STX18: variants seen among roughly 807,000 people sequenced by gnomAD.
STX18 encodes the protein syntaxin 18.
STX18 carries 40 observed loss-of-function variants against 50.1 expected under a neutral mutation model. That is an observed-to-expected ratio of 0.80 (90% CI 0.62 to 1.04). The LOEUF (loss-of-function observed/expected upper bound fraction) is 1.04, where lower values mean the gene tolerates loss of function less well. STX18 is among the 50% of genes least tolerant of loss of function. The pLI, the probability that STX18 is intolerant of heterozygous loss-of-function variation, is 0.00. For synonymous variants in STX18, 158 were observed against 151.8 expected (o/e 1.04, Z -0.30); for missense variants, 410 against 415.8 (o/e 0.99, Z 0.12).
intron 1 of STX18, among the ~76,000 whole-genome samples, chr4:4,498,341 A>G (rs1454992601): frequency 6.6e-6 from 1 of 152,184 alleles, no homozygotes; most frequent in African/African-American, 2.4e-5. Context: ...TGATGATAAT[A>G]TACCCCCCAA....
rs192999436 is a variant in STX18, at chr4:4,499,351, T to C, written c.169-27645A>G. 3.8e-5 allele frequency: 9 copies of C among 237,344 alleles called. No individual in the cohort carries two copies. In the East Asian group the frequency reaches 1.4e-3, roughly 38 times the overall value. The allele number at this position is 237,344 out of a possible 1,614,324, so 14.7% of individuals were successfully genotyped here. ...GTATGAAATTACAGTAGTAAGAAGT[T>C]ATTAATCTGAAATTATAAAGTGGAA... On this transcript the variant is annotated intron_variant, in intron 1 of 10. Coordinates refer to ENST00000306200, the MANE Select transcript of STX18 (RefSeq NM_016930.4).
At position 4,419,832 on chromosome 4, in the gene STX18, T is replaced by C. The variant is rs1249236073; in HGVS notation, c.*202A>G. ...CCTCCCATTGGTGTGCACTGTTTCCTTTTTCAGCTGCTAAATGGCTGAACA... is the reference window on the plus strand; with the variant it reads ...CCTCCCATTGGTGTGCACTGTTTCCCTTTTCAGCTGCTAAATGGCTGAACA... On this transcript the variant is annotated 3_prime_UTR_variant, in exon 11 of 11. Transcript: ENST00000306200. 10 of 521,008 alleles carry C rather than the reference T, an allele frequency of 1.9e-5. No homozygotes were observed. The highest frequency in any genetic ancestry group is 1.9e-4 in the African/African-American group (7 of 36,940). 32.3% of individuals were successfully genotyped at this position (521,008 alleles called of 1,614,324 possible). A position where few individuals can be genotyped will look rare whatever the true frequency, so the allele number is the denominator to read the frequency against.
At chr4:4,500,933 AGGCTGAAG>A (rs1360136464) in intron 1 of STX18, among the ~76,000 whole-genome samples, 7 of 152,286 alleles carry the variant, frequency 4.6e-5, no homozygotes, top group Middle Eastern at 3.4e-3. Flanking sequence ...GCTACTCGGG[AGGCTGAAG>A]CAGGAGAATT....
intron 6 of STX18, among the ~76,000 whole-genome samples, chr4:4,436,763 C>A (rs1195876710): frequency 6.6e-6 from 1 of 152,114 alleles, no homozygotes; most frequent in Non-Finnish European, 1.5e-5. Context: ...AAGGCCCTAC[C>A]CACCCTTCCA....
intron 7 of STX18, among the ~76,000 whole-genome samples, chr4:4,432,897 T>A (rs1276579652): frequency 1.3e-5 from 2 of 152,232 alleles, no homozygotes; most frequent in African/African-American, 4.8e-5. Flanking sequence ...GACCTGGCCA[T>A]CCCTGGAGGT....
At chr4:4,445,737 T>C (rs1035291396) in intron 5 of STX18, among the ~76,000 whole-genome samples, 7 of 152,098 alleles carry the variant, frequency 4.6e-5, no homozygotes, top group African/African-American at 1.7e-4. Context: ...TGTGGATAGA[T>C]GTTAAGATGT....
chr4:4,491,680 G>A (rs1247838354), intron 1 of STX18, among the ~76,000 whole-genome samples: 37 of 151,984 alleles, frequency 2.4e-4, no homozygotes, highest in Admixed American at 2.4e-3. Flanking sequence ...ACAGTCTAAC[G>A]GTTGTCTTGT....
intron 1 of STX18, among the ~76,000 whole-genome samples, chr4:4,535,098 G>T (rs987180416): frequency 3.0e-4 from 45 of 152,192 alleles, no homozygotes; most frequent in Admixed American, 3.3e-4. Context: ...CCTACGTCTG[G>T]TGGAATGGTT....
intron 1 of STX18, among the ~76,000 whole-genome samples, chr4:4,500,995 C>T (rs1729428658): frequency 6.6e-6 from 1 of 152,094 alleles, no homozygotes; most frequent in Admixed American, 6.5e-5. Flanking sequence ...CGAGATGGCG[C>T]CATTGCACTC....
intron 7 of STX18, among the ~76,000 whole-genome samples, chr4:4,429,858 T>C (rs959661858): frequency 2.0e-5 from 3 of 152,208 alleles, no homozygotes; most frequent in Non-Finnish European, 1.5e-5. Flanking sequence ...TCTACAGGCC[T>C]ACCTCAGGGG....
At chr4:4,514,064 T>A (rs1730128478) in intron 1 of STX18, among the ~76,000 whole-genome samples, 2 of 152,128 alleles carry the variant, frequency 1.3e-5, no homozygotes, top group South Asian at 2.1e-4. Flanking sequence ...ATCAACCACA[T>A]ACTTCAAAAT....
chr4:4,434,296 C>A (rs951394445), intron 7 of STX18, among the ~76,000 whole-genome samples: 3 of 152,162 alleles, frequency 2.0e-5, no homozygotes, highest in Non-Finnish European at 2.9e-5. Flanking sequence ...CCTTTTGAAA[C>A]CCACCCATAG....
chr4:4,518,172 T>C (rs1263240296), intron 1 of STX18, among the ~76,000 whole-genome samples: 1 of 152,260 alleles, frequency 6.6e-6, no homozygotes, highest in Non-Finnish European at 1.5e-5. Context: ...TAAATCTTTA[T>C]GCAAAATGAA....
intron 1 of STX18, among the ~76,000 whole-genome samples, chr4:4,525,086 CATTTATGAAAAGAATAAAGTT>C (rs1553851452): frequency 6.6e-6 from 1 of 152,012 alleles, no homozygotes; most frequent in Non-Finnish European, 1.5e-5. Flanking sequence ...TCCTGTGGTA[CATTTATGAAAAGAATAAAGTT>C]TTATAAAGAG....
At chr4:4,491,204 G>A (rs1728926734) in intron 1 of STX18, among the ~76,000 whole-genome samples, 1 of 151,676 alleles carries the variant, frequency 6.6e-6, no homozygotes. Flanking sequence ...TCCCGGATCA[G>A]GCATGTTTTA....
intron 1 of STX18, among the ~76,000 whole-genome samples, chr4:4,482,063 C>A (rs1209816739): frequency 6.6e-6 from 1 of 152,170 alleles, no homozygotes; most frequent in African/African-American, 2.4e-5. Context: ...TCCTGAAGCA[C>A]TAGCCTCCCT....
At chr4:4,474,523 T>C (rs1387765470) in intron 1 of STX18, among the ~76,000 whole-genome samples, 1 of 152,202 alleles carries the variant, frequency 6.6e-6, no homozygotes, top group East Asian at 1.9e-4. Context: ...TATATGGTGT[T>C]ACATGACAAC....
At chr4:4,502,693 G>T (rs1440944770) in intron 1 of STX18, among the ~76,000 whole-genome samples, 2 of 152,178 alleles carry the variant, frequency 1.3e-5, no homozygotes, top group African/African-American at 4.8e-5. Context: ...CACAACGGAG[G>T]GATGGGTATC....
chr4:4,452,530 C>T (rs868075959), intron 5 of STX18, among the ~76,000 whole-genome samples: 2 of 152,184 alleles, frequency 1.3e-5, no homozygotes, highest in Non-Finnish European at 2.9e-5. Flanking sequence ...GAAGCCGATG[C>T]TCATTTACCA....
Sources: allele counts gnomAD v4.1 joint callset (sites outside exome capture counted in the v4.1 genomes callset), GRCh38; gene constraint gnomAD v4.1.1; transcripts MANE v1.5; gene names NCBI Gene and HGNC (gene_info 2026-07-23, HGNC 2026-07-21).